CDK19: variants seen among roughly 807,000 people sequenced by gnomAD.
CDK19 encodes the protein cyclin dependent kinase 19, also known as cyclin-dependent kinase 19.
CDK19 carries 20 observed loss-of-function variants against 68.3 expected under a neutral mutation model. That is an observed-to-expected ratio of 0.29 (90% CI 0.21 to 0.43). CDK19 has a LOEUF of 0.43. Among genes scored for constraint, CDK19 ranks in the 20% least tolerant of loss-of-function variants. The pLI is 1.00. For synonymous variants in CDK19, 221 were observed against 222.8 expected, an observed-to-expected ratio of 0.99 and a Z score of 0.07; for missense variants, 339 against 623.5, an observed-to-expected ratio of 0.54 and a Z score of 4.86.
chr6:110,779,811 G>A (rs542498453), intron 1 of CDK19, among the ~76,000 whole-genome samples: 4 of 152,160 alleles, frequency 2.6e-5, no homozygotes, highest in African/African-American at 7.2e-5. Context: ...GAGGCTGGGC[G>A]CTGTGGCTCA....
intron 1 of CDK19, among the ~76,000 whole-genome samples, chr6:110,760,370 C>T (rs998019698): frequency 6.9e-5 from 9 of 131,010 alleles, no homozygotes; most frequent in Non-Finnish European, 1.2e-4. Flanking sequence ...GCATTCCAGC[C>T]TGGGCCACAG....
intron 1 of CDK19, among the ~76,000 whole-genome samples, chr6:110,801,961 C>G (rs1051574126): frequency 6.6e-5 from 10 of 152,060 alleles, no homozygotes; most frequent in Non-Finnish European, 2.9e-5. Flanking sequence ...ATCAGAGAAA[C>G]ACAAATTAAA....
chr6:110,673,302 C>T (rs906951202), intron 2 of CDK19, among the ~76,000 whole-genome samples: 3 of 152,130 alleles, frequency 2.0e-5, no homozygotes, highest in African/African-American at 7.2e-5. Flanking sequence ...AAGCTGAATA[C>T]TATTACATCG....
chr6:110,728,302 A>AAGAG (rs1554213238), intron 2 of CDK19, among the ~76,000 whole-genome samples: 58 of 150,518 alleles, frequency 3.9e-4, no homozygotes, highest in Non-Finnish European at 6.6e-4. Flanking sequence ...AAAAAAAAAA[A>AAGAG]AGAGAGAGAG....
At chr6:110,706,153 T>C (rs1326192656) in intron 2 of CDK19, among the ~76,000 whole-genome samples, 2 of 151,762 alleles carry the variant, frequency 1.3e-5, no homozygotes, top group Admixed American at 6.6e-5. Flanking sequence ...CCTGGGTTGA[T>C]GTGATTCTTC....
chr6:110,756,931 T>A (rs1293282061), intron 1 of CDK19, among the ~76,000 whole-genome samples: 2 of 151,342 alleles, frequency 1.3e-5, no homozygotes, highest in Non-Finnish European at 3.0e-5. Context: ...AGAACTGGAG[T>A]TCAGAAAAGA....
At chr6:110,657,960 C>CA (rs1483659976) in intron 4 of CDK19, among the ~76,000 whole-genome samples, 1 of 152,110 alleles carries the variant, frequency 6.6e-6, no homozygotes, top group African/African-American at 2.4e-5. Flanking sequence ...CTGTTGAAAG[C>CA]TCCAACTACA....
At chr6:110,792,736 C>T (rs1224686857) in intron 1 of CDK19, among the ~76,000 whole-genome samples, 2 of 152,164 alleles carry the variant, frequency 1.3e-5, no homozygotes, top group Non-Finnish European at 2.9e-5. Flanking sequence ...ATTCTATCTT[C>T]CTGCTGAATC....
At chr6:110,719,885 C>T (rs1343318307) in intron 2 of CDK19, among the ~76,000 whole-genome samples, 2 of 151,806 alleles carry the variant, frequency 1.3e-5, no homozygotes, top group Non-Finnish European at 2.9e-5. Flanking sequence ...CATGCGCCAC[C>T]ATGTCCAGCT....
chr6:110,791,325 C>A (rs1781582193), intron 1 of CDK19, among the ~76,000 whole-genome samples: 1 of 151,674 alleles, frequency 6.6e-6, no homozygotes, highest in African/African-American at 2.4e-5. Flanking sequence ...GAAAGAAGGT[C>A]AGAAAGCAGA....
intron 6 of CDK19, among the ~76,000 whole-genome samples, chr6:110,628,209 T>G (rs1350515739): frequency 3.3e-5 from 5 of 152,238 alleles, no homozygotes; most frequent in Admixed American, 1.3e-4. Context: ...AAACACCATC[T>G]TGGAAAAAAC....
chr6:110,615,686 G>A (rs13211351), intron 12 of CDK19, among the ~76,000 whole-genome samples: 33,178 of 152,048 alleles, frequency 0.22, 3,831 homozygotes, highest in African/African-American at 0.28. Context: ...AACGACAATA[G>A]TCCATCCCAA....
intron 1 of CDK19, among the ~76,000 whole-genome samples, chr6:110,759,269 G>A (rs1328644815): frequency 2.7e-5 from 4 of 150,800 alleles, no homozygotes; most frequent in Non-Finnish European, 4.4e-5. Flanking sequence ...GCCAGGCATG[G>A]TGGCGGGTGC....
Position 110,715,670 on chromosome 6 carries a change from G to A in CDK19, c.204+30456C>T, listed in dbSNP as rs1315801528. Among the ~76,000 whole-genome samples the A allele has an allele frequency of 2.6e-5, 4 of 152,116 alleles. 1 individual carries two copies. Among genetic ancestry groups the A allele is most frequent in the African/African-American group, 9.7e-5 (4 of 41,412 alleles). The stretch of plus-strand genomic sequence containing the variant: ...CTGGCTAACTTTTGTATTTTTAGTA[G>A]GGATGGGGTTTTGCCATGTTGGTCA... On this transcript the variant is annotated intron_variant, in intron 2 of 12. Transcript: ENST00000368911.
chr6:110,800,677 T>A (rs1474449315), intron 1 of CDK19, among the ~76,000 whole-genome samples: 1 of 152,024 alleles, frequency 6.6e-6, no homozygotes, highest in Non-Finnish European at 1.5e-5. Context: ...ATTCACCACA[T>A]AAACAGAAAT....
chr6:110,624,569 C>T (rs911980363), intron 8 of CDK19, among the ~76,000 whole-genome samples: 2 of 152,072 alleles, frequency 1.3e-5, no homozygotes, highest in Non-Finnish European at 1.5e-5. Context: ...GTGGCATATA[C>T]ATATATGGTA....
In CDK19 at chr6:110,621,316, C is replaced by T. The variant is rs756647858; in HGVS notation, c.1165G>A (p.Ala389Thr). The change falls in exon 12 of 13, where the codon GCA becomes ACA. Residue 389 changes from alanine (A) to threonine (T), a missense_variant. Physicochemically the swap from Ala to Thr is moderately conservative, Grantham distance 58. Coordinates refer to ENST00000368911, the MANE Select transcript of CDK19 (RefSeq NM_015076.5). This position sits in a 1 kb window ranked among gnomAD's most constrained non-coding sequence, Gnocchi z 5.4. ...HQQPTAPPQQ[A>T]AAPPQAPPPQ... ...GGGGGCGCCTGTGGAGGGGCTGCTG[C>T]CTGCTGTGGAGGGGCTGTGGGCTGC... 6 of 1,602,432 alleles carry T rather than the reference C, an allele frequency of 3.7e-6. 1 individual carries two copies. In the South Asian group the frequency reaches 6.7e-5, roughly 18 times the overall value.
At chr6:110,712,529 AT>A (rs1322045935) in intron 2 of CDK19, among the ~76,000 whole-genome samples, 1 of 152,222 alleles carries the variant, frequency 6.6e-6, no homozygotes, top group African/African-American at 2.4e-5. Context: ...CTTCTAGTGG[AT>A]TTCACAAAAG....
intron 4 of CDK19, among the ~76,000 whole-genome samples, chr6:110,657,775 T>C (rs571948894): frequency 6.0e-4 from 92 of 152,330 alleles, no homozygotes; most frequent in Non-Finnish European, 7.6e-4. Flanking sequence ...TCAGTGATTA[T>C]CAAATGAGCC....
Sources: allele counts gnomAD v4.1 joint callset (sites outside exome capture counted in the v4.1 genomes callset), GRCh38; gene constraint gnomAD v4.1.1; non-coding constraint Gnocchi (gnomAD v3.1); transcripts MANE v1.5; gene names NCBI Gene and HGNC (gene_info 2026-07-23, HGNC 2026-07-21).